The following ANPEP variants were observed in gnomAD, a reference collection of about 807,000 sequenced individuals.
ANPEP encodes alanyl aminopeptidase, membrane, also known as aminopeptidase N.
A neutral mutation model predicts 114.6 loss-of-function variants in ANPEP; 70 were observed. The observed-to-expected ratio is 0.61, with a 90% CI of 0.50 to 0.75. ANPEP has a LOEUF of 0.75. Ranked by LOEUF, ANPEP falls within the 30% of genes least tolerant of loss-of-function variation. The probability of loss-of-function intolerance (pLI) is 0.00; values close to 1 mark genes in which losing one functional copy is unlikely to be tolerated. For synonymous variants in ANPEP, 548 were observed against 522.3 expected (o/e 1.05, Z -0.67); for missense variants, 1,184 against 1,259.5 (o/e 0.94, Z 0.91).
intron 12 of ANPEP, among the ~76,000 whole-genome samples, chr15:89,800,017 A>C (rs1451254613): frequency 1.7e-4 from 24 of 140,882 alleles, no homozygotes; most frequent in African/African-American, 3.5e-4. Flanking sequence ...CTCCTCCCTC[A>C]CTCCTCTCAT....
chr15:89,804,248 T>C lies in ANPEP; in HGVS notation c.1179+5A>G. ...TTCTCCGCACTCCCCGAGATGGGGGTCTACCTGGTGGGCCAGCTCATGAGC... is the reference window on the plus strand; with the variant it reads ...TTCTCCGCACTCCCCGAGATGGGGGCCTACCTGGTGGGCCAGCTCATGAGC... On this transcript the variant is annotated splice_donor_5th_base_variant and intron_variant, in intron 6 of 20. Coordinates refer to ENST00000300060, the MANE Select transcript of ANPEP (RefSeq NM_001150.3). 6.2e-7 allele frequency: 1 copy of C among 1,613,902 alleles called. No homozygotes were observed. The highest frequency in any genetic ancestry group is 8.5e-7 in the Non-Finnish European group (1 of 1,179,940).
chr15:89,813,268 G>A (rs889947045), intron 1 of ANPEP, among the ~76,000 whole-genome samples: 11 of 152,324 alleles, frequency 7.2e-5, no homozygotes, highest in African/African-American at 2.6e-4. Flanking sequence ...GGCTCCTTCC[G>A]ACATGGGGAC....
chr15:89,801,055 C>A, intron 12 of ANPEP, 56 bp downstream of exon 12: 2 of 1,514,722 alleles, frequency 1.3e-6, no homozygotes, highest in South Asian at 2.3e-5. Flanking sequence ...AGAACATGGG[C>A]CAGGAGCTAG....
intron 15 of ANPEP, among the ~76,000 whole-genome samples, chr15:89,796,093 G>A (rs1968721188): frequency 6.6e-6 from 1 of 152,210 alleles, no homozygotes; most frequent in South Asian, 2.1e-4. Flanking sequence ...GTGCACATCT[G>A]AGGTCCCAGC....
chr15:89,793,979 C>A (rs1968682085), intron 15 of ANPEP, among the ~76,000 whole-genome samples: 1 of 152,106 alleles, frequency 6.6e-6, no homozygotes, highest in African/African-American at 2.4e-5. Flanking sequence ...TTTCTGTGCC[C>A]ACCTGGATCC....
chr15:89,792,087 G>A, intron 18 of ANPEP, 73 bp downstream of exon 18: 1 of 1,533,274 alleles, frequency 6.5e-7, no homozygotes, highest in South Asian at 1.2e-5. Flanking sequence ...GATCTGGCGA[G>A]GAGTGTGGAG....
intron 20 of ANPEP, among the ~76,000 whole-genome samples, chr15:89,787,418 T>C (rs1044067718): frequency 3.3e-5 from 5 of 152,132 alleles, no homozygotes; most frequent in Admixed American, 2.6e-4. Context: ...AAAAAATAGG[T>C]ATAAATCTTC....
chr15:89,812,868 C>T (rs192246667), intron 1 of ANPEP, among the ~76,000 whole-genome samples: 35 of 152,244 alleles, frequency 2.3e-4, no homozygotes, highest in Middle Eastern at 3.4e-3. Context: ...CTACTGTGGC[C>T]GTGCCAAGGG....
intron 15 of ANPEP, 134 bp downstream of exon 15, chr15:89,797,441 T>G: frequency 7.8e-7 from 1 of 1,283,250 alleles, no homozygotes; most frequent in Non-Finnish European, 1.1e-6. Context: ...CTTTCTTTTT[T>G]TTTGGTTTTT....
rs114265411 is a variant in ANPEP at position 89,805,307 on chromosome 15, C to T, written c.757+14G>A. The T allele has an allele frequency of 6.2e-7, 1 of 1,613,322 alleles. No homozygotes were observed. Among genetic ancestry groups the T allele is most frequent in the African/African-American group, 1.3e-5 (1 of 75,002 alleles). On this transcript the variant is annotated intron_variant, in intron 3 of 20. Transcript: ENST00000300060. The stretch of plus-strand genomic sequence containing the variant: ...TGCCCCCTGGCCCTGTGGCCGCAGG[C>T]AGGGCCCACTCACCTTTGGGAAGCA...
intron 11 of ANPEP, 58 bp downstream of exon 11, chr15:89,801,377 T>G (rs2141804512): frequency 6.3e-7 from 1 of 1,595,420 alleles, no homozygotes; most frequent in South Asian, 1.1e-5. Flanking sequence ...TATGGTCCCT[T>G]AGTAACTGCC....
At chr15:89,796,126 G>C (rs1968721691) in intron 15 of ANPEP, among the ~76,000 whole-genome samples, 1 of 152,216 alleles carries the variant, frequency 6.6e-6, no homozygotes, top group South Asian at 2.1e-4. Flanking sequence ...TGAGGCAGGA[G>C]GATCCCTTGA....
At chr15:89,795,076 G>A (rs2141795982) in intron 15 of ANPEP, among the ~76,000 whole-genome samples, 1 of 141,168 alleles carries the variant, frequency 7.1e-6, no homozygotes. Context: ...AAACTCAAGA[G>A]GAAACGAGTC....
chr15:89,803,407 C>T lies in ANPEP; in HGVS notation c.1503+35G>A. 6.2e-7 allele frequency: 1 copy of T among 1,611,756 alleles called. No individual in the cohort carries two copies. Among genetic ancestry groups the T allele is most frequent in the Non-Finnish European group, 8.5e-7 (1 of 1,178,744 alleles). ...TCAAGGGCGAGGGGCAGAAGGAGAC[C>T]CACCCTCATGGCTGGCCCAGGGTGC... On this transcript the variant is annotated intron_variant, in intron 9 of 20. Transcript: ENST00000300060. This position sits in a 1 kb window ranked among gnomAD's most constrained non-coding sequence, Gnocchi z 4.2.
intron 1 of ANPEP, among the ~76,000 whole-genome samples, chr15:89,810,728 T>G (rs890595174): frequency 1.3e-5 from 2 of 152,198 alleles, no homozygotes; most frequent in African/African-American, 4.8e-5. Flanking sequence ...GCCAAATGAA[T>G]GACAACACCC....
intron 15 of ANPEP, among the ~76,000 whole-genome samples, chr15:89,793,964 G>A (rs1968681756): frequency 6.6e-6 from 1 of 152,150 alleles, no homozygotes; most frequent in South Asian, 2.1e-4. Context: ...GACATGGCAG[G>A]TTGATTTCTG....
intron 12 of ANPEP, among the ~76,000 whole-genome samples, chr15:89,800,359 A>T (rs573535513): frequency 9.9e-5 from 15 of 151,874 alleles, no homozygotes; most frequent in African/African-American, 2.4e-4. Flanking sequence ...CCCATACCTC[A>T]CTAGCCCCAA....
rs1555442930 is a variant in ANPEP, at chr15:89,813,997, G to GGGT, written c.-224+774_-224+775insACC. On this transcript the variant is annotated intron_variant, in intron 1 of 20. Coordinates refer to ENST00000300060, the MANE Select transcript of ANPEP (RefSeq NM_001150.3). ...TCCCTGCCCACCGCACTGCTGGGGG[G>GGGT]GGGGGGTGCGTTCTGGAGTCATTTG... Among the ~76,000 whole-genome samples, 3 of 125,024 alleles carry GGGT rather than the reference G, an allele frequency of 2.4e-5. 1 individual carries two copies. The highest frequency in any genetic ancestry group is 7.7e-5 in the African/African-American group (3 of 38,776). 82.0% of individuals were successfully genotyped at this position (125,024 alleles called of 152,430 possible).
At chr15:89,797,334 C>T in intron 15 of ANPEP, 1 of 462,204 alleles carries the variant, frequency 2.2e-6, no homozygotes, top group Non-Finnish European at 3.7e-6. Flanking sequence ...CACGCAGCCT[C>T]CTCACTCACC....
Sources: gnomAD v4.1 joint callset for allele counts (sites outside exome capture counted in the v4.1 genomes callset) on GRCh38, gnomAD v4.1.1 for gene constraint, Gnocchi (gnomAD v3.1) non-coding constraint, MANE v1.5 for transcripts, NCBI Gene and HGNC (gene_info 2026-07-23, HGNC 2026-07-21) for gene names.